The following SLC9A4 variants were observed in gnomAD, a reference collection of about 807,000 sequenced individuals.
SLC9A4 encodes sodium/hydrogen exchanger 4.
SLC9A4 carries 63 observed loss-of-function variants against 67.4 expected under a neutral mutation model. The observed-to-expected ratio is 0.93, with a 90% CI of 0.76 to 1.15. The LOEUF (loss-of-function observed/expected upper bound fraction) is 1.15, where lower values mean the gene tolerates loss of function less well. SLC9A4 is among the 50% of genes most tolerant of loss of function. The pLI is 0.00. For synonymous variants in SLC9A4, 393 were observed against 367.2 expected, an observed-to-expected ratio of 1.07 and a Z score of -0.80; for missense variants, 1,089 against 987.7, an observed-to-expected ratio of 1.10 and a Z score of -1.38.
In SLC9A4 at chr2:102,510,272, C is replaced by CAGATATAGATAT. The variant is rs145991620; in HGVS notation, c.1488+1366_1488+1377dup. Among the ~76,000 whole-genome samples the CAGATATAGATAT allele has an allele frequency of 5.1e-3, 645 of 126,262 alleles. 6 individuals are homozygous for CAGATATAGATAT. Among genetic ancestry groups the CAGATATAGATAT allele is most frequent in the East Asian group, 0.037 (160 of 4,302 alleles). The allele number at this position is 126,262 out of a possible 152,430, so 82.8% of individuals were successfully genotyped here. A position where few individuals can be genotyped will look rare whatever the true frequency, so the allele number is the denominator to read the frequency against. On this transcript the variant is annotated intron_variant, in intron 6 of 11. Coordinates refer to ENST00000295269, the MANE Select transcript of SLC9A4 (RefSeq NM_001011552.4). ...ACAGATACAGATACAGATACAGATA[C>CAGATATAGATAT]AGATATAGATATAGATATAGATATA...
At chr2:102,480,780 G>A (rs749632811) in intron 2 of SLC9A4, among the ~76,000 whole-genome samples, 1 of 152,094 alleles carries the variant, frequency 6.6e-6, no homozygotes, top group Non-Finnish European at 1.5e-5. Context: ...GGTTATAGAT[G>A]GCCAAACACA....
At chr2:102,483,780 A>G (rs758719530) in intron 2 of SLC9A4, among the ~76,000 whole-genome samples, 20 of 138,934 alleles carry the variant, frequency 1.4e-4, no homozygotes, top group Non-Finnish European at 2.4e-4. Flanking sequence ...GACCTTAGTA[A>G]CTATCTCACC....
chr2:102,480,568 T>C (rs1043011247), intron 2 of SLC9A4, among the ~76,000 whole-genome samples: 21 of 152,254 alleles, frequency 1.4e-4, no homozygotes, highest in African/African-American at 4.8e-4. Context: ...CAATGTTTCA[T>C]TCTTACAAGC....
At position 102,515,292 on chromosome 2, in the gene SLC9A4, C is replaced by A. The variant is rs114142613; in HGVS notation, c.1721+1041C>A. On this transcript the variant is annotated intron_variant, in intron 8 of 11. Transcript: ENST00000295269. Reference sequence around the variant, plus strand: ...AGTGTTATTTCTGAGATAACACCTTCATCCCTTGCCTGCTAATAAATCAGA... The same window carrying A: ...AGTGTTATTTCTGAGATAACACCTTAATCCCTTGCCTGCTAATAAATCAGA... Among the ~76,000 whole-genome samples the A allele has an allele frequency of 6.3e-3, 953 of 151,844 alleles. 15 individuals are homozygous for A. Among genetic ancestry groups the A allele is most frequent in the African/African-American group, 0.022 (906 of 41,402 alleles).
chr2:102,487,609 G>A (rs546024244), intron 2 of SLC9A4, among the ~76,000 whole-genome samples: 8 of 152,252 alleles, frequency 5.3e-5, no homozygotes, highest in Non-Finnish European at 1.0e-4. Flanking sequence ...ATTTTCTTCT[G>A]GCTAAATAAA....
intron 8 of SLC9A4, among the ~76,000 whole-genome samples, chr2:102,516,013 A>G (rs1186586735): frequency 1.3e-5 from 2 of 152,162 alleles, no homozygotes; most frequent in Admixed American, 6.5e-5. Flanking sequence ...AGACCATTTC[A>G]CTTATGTGAG....
chr2:102,509,041 C>A, intron 6 of SLC9A4, 108 bp downstream of exon 6: 1 of 928,040 alleles, frequency 1.1e-6, no homozygotes. Context: ...CCCCACTCTG[C>A]CAAGAGTGAC....
intron 11 of SLC9A4, among the ~76,000 whole-genome samples, chr2:102,527,914 G>A (rs1386003912): frequency 6.6e-6 from 1 of 151,890 alleles, no homozygotes; most frequent in Non-Finnish European, 1.5e-5. Context: ...TTTTTGTTTT[G>A]TTTTTTTCTA....
intron 2 of SLC9A4, among the ~76,000 whole-genome samples, chr2:102,503,160 T>A (rs941545221): frequency 6.6e-6 from 1 of 152,192 alleles, no homozygotes; most frequent in Non-Finnish European, 1.5e-5. Flanking sequence ...AAGGGTTCAT[T>A]TGGAGTCTAG....
At chr2:102,484,390 C>T (rs1684541095) in intron 2 of SLC9A4, among the ~76,000 whole-genome samples, 1 of 152,168 alleles carries the variant, frequency 6.6e-6, no homozygotes, top group African/African-American at 2.4e-5. Context: ...TTCTGCAAAA[C>T]ACTATGGCTT....
intron 9 of SLC9A4, among the ~76,000 whole-genome samples, chr2:102,523,873 T>C (rs1373568758): frequency 1.3e-5 from 2 of 152,196 alleles, no homozygotes. Context: ...CTTCCTGGAA[T>C]TTATTCCCAG....
intron 7 of SLC9A4, 60 bp from the exon 8 acceptor site, chr2:102,514,030 A>C: frequency 1.3e-6 from 2 of 1,556,986 alleles, no homozygotes; most frequent in Non-Finnish European, 1.7e-6. Context: ...AGAGAAATGC[A>C]TACTTAATGT....
chr2:102,527,054 T>C lies in SLC9A4; in HGVS notation c.2038+708T>C, dbSNP rs115452496. ...TAGTATTTAACCTTTAAGGAGTATATGTAATTACCTCAAAATGAAACTTTT... is the reference window on the plus strand; with the variant it reads ...TAGTATTTAACCTTTAAGGAGTATACGTAATTACCTCAAAATGAAACTTTT... On this transcript the variant is annotated intron_variant, in intron 11 of 11. Coordinates refer to ENST00000295269, the MANE Select transcript of SLC9A4 (RefSeq NM_001011552.4). Among the ~76,000 whole-genome samples, 1,246 of 152,306 alleles carry C rather than the reference T, an allele frequency of 8.2e-3. 23 individuals carry two copies. The highest frequency in any genetic ancestry group is 0.028 in the African/African-American group (1,183 of 41,570).
intron 2 of SLC9A4, among the ~76,000 whole-genome samples, chr2:102,490,415 T>C (rs1684671908): frequency 6.6e-6 from 1 of 152,252 alleles, no homozygotes; most frequent in Admixed American, 6.5e-5. Flanking sequence ...TGCAGGCAGC[T>C]ACCTTCTTGC....
Position 102,473,891 on chromosome 2 carries a change from T to C in SLC9A4, c.132T>C (p.Ala44=). The change falls in exon 1 of 12, where the codon GCT becomes GCC. Residue 44 remains alanine (A), a synonymous_variant. Transcript: ENST00000295269. Reference sequence around the variant, plus strand: ...CCACTGCTCAGTATGCATCTAACGCTTGGTTTGCTGCTGCCAGCTCAGAGC... The same window carrying C: ...CCACTGCTCAGTATGCATCTAACGCCTGGTTTGCTGCTGCCAGCTCAGAGC... The part of the protein sequence containing the change: ...ANSTAQYASN[A]WFAAASSEPE... 6.2e-7 allele frequency: 1 copy of C among 1,614,132 alleles called. No homozygotes were observed. Among genetic ancestry groups the C allele is most frequent in the Non-Finnish European group, 8.5e-7 (1 of 1,179,970 alleles).
chr2:102,504,834 G>A (rs1685015125), intron 3 of SLC9A4, among the ~76,000 whole-genome samples: 1 of 152,182 alleles, frequency 6.6e-6, no homozygotes, highest in East Asian at 1.9e-4. Flanking sequence ...CATTGTCTTA[G>A]AAGTTTTGAT....
intron 2 of SLC9A4, among the ~76,000 whole-genome samples, chr2:102,496,534 T>C (rs1684814473): frequency 6.6e-6 from 1 of 152,154 alleles, no homozygotes. Flanking sequence ...AGCAGAGACT[T>C]AGGAACAGAA....
At chr2:102,530,513 A>G (rs1674754962) in intron 11 of SLC9A4, among the ~76,000 whole-genome samples, 1 of 152,214 alleles carries the variant, frequency 6.6e-6, no homozygotes. Context: ...TTTGCAAGTC[A>G]CATACCCATG....
intron 2 of SLC9A4, among the ~76,000 whole-genome samples, chr2:102,482,540 G>C (rs1047961604): frequency 6.6e-6 from 1 of 151,948 alleles, no homozygotes; most frequent in Non-Finnish European, 1.5e-5. Flanking sequence ...AGTAAGTGTC[G>C]TTGTCTGGGA....
Sources: gnomAD v4.1 joint callset for allele counts (sites outside exome capture counted in the v4.1 genomes callset) on GRCh38, gnomAD v4.1.1 for gene constraint, MANE v1.5 for transcripts, NCBI Gene and HGNC (gene_info 2026-07-23, HGNC 2026-07-21) for gene names.